The following MLIP variants were observed in gnomAD, a reference collection of about 807,000 sequenced individuals.
The protein encoded by MLIP is muscular LMNA interacting protein, also known as muscular LMNA-interacting protein.
Under a neutral mutation model 84.8 loss-of-function variants are expected in MLIP, and 79 were observed. The ratio of observed to expected loss-of-function variants is 0.93; its 90% CI spans 0.78 to 1.12. MLIP has a LOEUF of 1.12. Among genes scored for constraint, MLIP ranks in the 50% most tolerant of loss-of-function variants. MLIP has a pLI of 0.00. For synonymous variants in MLIP, 504 were observed against 463.0 expected, an observed-to-expected ratio of 1.09 and a Z score of -1.14; for missense variants, 1,257 against 1,160.6, an observed-to-expected ratio of 1.08 and a Z score of -1.21.
intron 2 of MLIP, among the ~76,000 whole-genome samples, chr6:54,124,166 C>A (rs555079897): frequency 6.6e-6 from 1 of 152,238 alleles, no homozygotes; most frequent in East Asian, 1.9e-4. Context: ...AATGTCTTCA[C>A]GGAAAACATT....
intron 9 of MLIP, among the ~76,000 whole-genome samples, chr6:54,172,007 G>A (rs569718264): frequency 4.0e-5 from 6 of 151,598 alleles, no homozygotes; most frequent in Non-Finnish European, 8.9e-5. Flanking sequence ...AAACTCAAAA[G>A]CAGGGATCGT....
chr6:54,150,429 G>A (rs985970914), intron 5 of MLIP, among the ~76,000 whole-genome samples: 3 of 152,044 alleles, frequency 2.0e-5, no homozygotes, highest in Non-Finnish European at 4.4e-5. Flanking sequence ...CACACTCTGG[G>A]GCCATAATGG....
At chr6:54,243,002 G>C (rs1229566505) in intron 12 of MLIP, among the ~76,000 whole-genome samples, 1 of 152,184 alleles carries the variant, frequency 6.6e-6, no homozygotes, top group Non-Finnish European at 1.5e-5. Context: ...CTGTGTTTGT[G>C]CTGGCCATGC....
At chr6:54,247,416 T>C (rs988970973) in intron 12 of MLIP, among the ~76,000 whole-genome samples, 3 of 152,068 alleles carry the variant, frequency 2.0e-5, no homozygotes, top group African/African-American at 4.8e-5. Flanking sequence ...AGAAGGAAGA[T>C]TTTAGACTCC....
intron 9 of MLIP, among the ~76,000 whole-genome samples, chr6:54,173,046 AGAT>A (rs2150604494): frequency 6.6e-6 from 1 of 151,890 alleles, no homozygotes; most frequent in African/African-American, 2.4e-5. Context: ...TCTTTTAAAA[AGAT>A]GCTGAATTCA....
At chr6:54,220,029 A>G (rs1048626230) in intron 11 of MLIP, among the ~76,000 whole-genome samples, 1 of 152,222 alleles carries the variant, frequency 6.6e-6, no homozygotes, top group Non-Finnish European at 1.5e-5. Flanking sequence ...AAGCATAAGC[A>G]ACAAGAAATA....
intron 4 of MLIP, among the ~76,000 whole-genome samples, chr6:54,146,827 T>A (rs1306434521): frequency 6.6e-6 from 1 of 152,154 alleles, no homozygotes; most frequent in Non-Finnish European, 1.5e-5. Flanking sequence ...TGATTACACA[T>A]CCTGAAATGA....
At chr6:54,021,327 T>A (rs372973834) in intron 1 of MLIP, among the ~76,000 whole-genome samples, 347 of 152,310 alleles carry the variant, frequency 2.3e-3, no homozygotes, top group African/African-American at 7.3e-3. Flanking sequence ...GTGTACATTA[T>A]AATATTGTGT....
intron 11 of MLIP, among the ~76,000 whole-genome samples, chr6:54,210,864 T>C (rs536678271): frequency 3.3e-5 from 5 of 152,144 alleles, no homozygotes; most frequent in Non-Finnish European, 7.3e-5. Flanking sequence ...AACCTTACTT[T>C]CTCTTGAAAA....
At chr6:54,056,328 G>T (rs1765657201) in intron 1 of MLIP, among the ~76,000 whole-genome samples, 1 of 152,162 alleles carries the variant, frequency 6.6e-6, no homozygotes, top group South Asian at 2.1e-4. Context: ...ACGCTGTACA[G>T]AGGCTTGAAC....
At chr6:54,123,527 G>A (rs1770648494) in intron 2 of MLIP, among the ~76,000 whole-genome samples, 2 of 152,202 alleles carry the variant, frequency 1.3e-5, no homozygotes, top group Admixed American at 6.5e-5. Flanking sequence ...CAACTTTTTA[G>A]TTATATTTAA....
At chr6:54,249,518 A>C (rs953556884) in intron 12 of MLIP, among the ~76,000 whole-genome samples, 1 of 151,888 alleles carries the variant, frequency 6.6e-6, no homozygotes, top group Non-Finnish European at 1.5e-5. Context: ...AGCTTTTTCC[A>C]CATAGCATGT....
In MLIP at chr6:54,121,508, G is replaced by A. The variant is rs1460129973; in HGVS notation, c.158G>A (p.Arg53Lys). The A allele has an allele frequency of 4.0e-5, 64 of 1,613,990 alleles. No individual in the cohort carries two copies. The Admixed American group carries it at 1.0e-3, about 25-fold the overall frequency. ...LIFTFVPTVR[R>K]LPTHTQLADT... ...TTCACATTTGTCCCCACTGTCAGAA[G>A]ACTACCAACCCATACTCAGTTGGCT... Residue 53 changes from arginine (R) to lysine (K), a missense_variant, in exon 2 of 14, where the codon AGA becomes AAA. By Grantham distance (26) the Arg-to-Lys change is conservative. Transcript: ENST00000502396.
chr6:54,196,036 C>T (rs900471693), intron 10 of MLIP, among the ~76,000 whole-genome samples: 1 of 152,102 alleles, frequency 6.6e-6, no homozygotes, highest in African/African-American at 2.4e-5. Context: ...CTCACCAACC[C>T]ACTTTCCTTC....
intron 1 of MLIP, among the ~76,000 whole-genome samples, chr6:54,027,016 C>T (rs2150273252): frequency 6.6e-6 from 1 of 152,186 alleles, no homozygotes. Flanking sequence ...AAATTCTTTC[C>T]ATACCAAATG....
At chr6:54,189,740 C>T in intron 9 of MLIP, 130 bp from the exon 10 acceptor site, 1 of 641,906 alleles carries the variant, frequency 1.6e-6, no homozygotes, top group Non-Finnish European at 2.7e-6. Context: ...GGATATTTTT[C>T]CTTTTCTTTA....
chr6:54,043,705 C>T lies in MLIP; in HGVS notation c.63+24614C>T, dbSNP rs373998204. Among the ~76,000 whole-genome samples the T allele has an allele frequency of 2.8e-3, 429 of 152,138 alleles. 1 individual carries two copies. Among genetic ancestry groups the T allele is most frequent in the African/African-American group, 9.8e-3 (405 of 41,478 alleles). ...TAGGGAATAGGATGCCAATTAGTAACGGGAGTTGGCATGTGAAAGAAGTTG... is the reference window on the plus strand; with the variant it reads ...TAGGGAATAGGATGCCAATTAGTAATGGGAGTTGGCATGTGAAAGAAGTTG... On this transcript the variant is annotated intron_variant, in intron 1 of 12. Coordinates refer to the MLIP transcript ENST00000274897.
intron 3 of MLIP, 39 bp downstream of exon 3, chr6:54,124,904 A>G: frequency 2.6e-6 from 4 of 1,520,220 alleles, no homozygotes; most frequent in South Asian, 1.3e-5. Flanking sequence ...GGAAAAAAAA[A>G]GCGTTTATGC....
At chr6:54,058,668 A>C (rs1765796403) in intron 1 of MLIP, among the ~76,000 whole-genome samples, 1 of 152,234 alleles carries the variant, frequency 6.6e-6, no homozygotes, top group Non-Finnish European at 1.5e-5. Context: ...TCATATAAGC[A>C]CCAAATAATT....
Sources: gnomAD v4.1 joint callset for allele counts (sites outside exome capture counted in the v4.1 genomes callset) on GRCh38, gnomAD v4.1.1 for gene constraint, MANE v1.5 for transcripts, NCBI Gene and HGNC (gene_info 2026-07-23, HGNC 2026-07-21) for gene names.